Variants in IGSF21 observed in about 807,000 individuals in gnomAD.
The protein encoded by IGSF21 is immunoglobulin superfamily member 21.
A neutral mutation model predicts 46.8 loss-of-function variants in IGSF21; 28 were observed. The observed-to-expected ratio is 0.60, with a 90% CI of 0.44 to 0.82. IGSF21 has a LOEUF of 0.82. IGSF21 is among the 40% of genes least tolerant of loss of function. IGSF21 has a pLI of 0.00. For synonymous variants in IGSF21, 284 were observed against 273.6 expected, an observed-to-expected ratio of 1.04 and a Z score of -0.38; for missense variants, 624 against 665.5, an observed-to-expected ratio of 0.94 and a Z score of 0.69.
At chr1:18,241,097 AAAG>A (rs2084722832) in intron 2 of IGSF21, among the ~76,000 whole-genome samples, 1 of 152,194 alleles carries the variant, frequency 6.6e-6, no homozygotes, top group Non-Finnish European at 1.5e-5. Flanking sequence ...GTGAACATTC[AAAG>A]GTGAGGCCAG....
At chr1:18,127,642 C>A (rs12124959) in intron 1 of IGSF21, among the ~76,000 whole-genome samples, 29,461 of 152,058 alleles carry the variant, frequency 0.19, 3,002 homozygotes, top group Non-Finnish European at 0.21. Flanking sequence ...GTGGCTCTTG[C>A]CCATAATCCC....
At chr1:18,252,859 C>G (rs1229475898) in intron 2 of IGSF21, among the ~76,000 whole-genome samples, 1 of 152,182 alleles carries the variant, frequency 6.6e-6, no homozygotes, top group Non-Finnish European at 1.5e-5. Context: ...TTTAGACTTC[C>G]CTTTTAGAAA....
chr1:18,276,943 C>A (rs1441914498), intron 2 of IGSF21, among the ~76,000 whole-genome samples: 9 of 152,198 alleles, frequency 5.9e-5, no homozygotes, highest in Non-Finnish European at 1.3e-4. Flanking sequence ...TTTTATATAA[C>A]TCATCTCTCC....
At chr1:18,164,045 AG>A (rs2124448623) in intron 1 of IGSF21, among the ~76,000 whole-genome samples, 1 of 152,366 alleles carries the variant, frequency 6.6e-6, no homozygotes, top group South Asian at 2.1e-4. Context: ...GAGACTGCCC[AG>A]TGGCTGACAC....
At chr1:18,344,461 A>G (rs2085873080) in intron 4 of IGSF21, among the ~76,000 whole-genome samples, 1 of 152,180 alleles carries the variant, frequency 6.6e-6, no homozygotes, top group Admixed American at 6.5e-5. Context: ...GGCTGAGGGC[A>G]GACCTCACCC....
chr1:18,164,553 C>T (rs887407216), intron 1 of IGSF21, among the ~76,000 whole-genome samples: 16 of 152,124 alleles, frequency 1.1e-4, no homozygotes, highest in Admixed American at 8.5e-4. Flanking sequence ...TTGCCAAACA[C>T]GGTGTCAGCA....
intron 1 of IGSF21, among the ~76,000 whole-genome samples, chr1:18,143,574 G>A (rs1052157002): frequency 6.6e-6 from 1 of 152,160 alleles, no homozygotes; most frequent in Non-Finnish European, 1.5e-5. Context: ...TTGTGGGGGT[G>A]GATGAAGTCT....
chr1:18,374,412 G>A (rs920695350), intron 6 of IGSF21, among the ~76,000 whole-genome samples: 1 of 152,148 alleles, frequency 6.6e-6, no homozygotes, highest in African/African-American at 2.4e-5. Context: ...CCGCGTGTTA[G>A]GCAAGGGGTA....
At chr1:18,238,121 C>A (rs2084690234) in intron 2 of IGSF21, among the ~76,000 whole-genome samples, 2 of 152,112 alleles carry the variant, frequency 1.3e-5, no homozygotes, top group Non-Finnish European at 2.9e-5. Flanking sequence ...ACTGAAAAAC[C>A]CAGGAAATGC....
intron 1 of IGSF21, among the ~76,000 whole-genome samples, chr1:18,171,576 G>A (rs933151824): frequency 6.6e-6 from 1 of 152,186 alleles, no homozygotes; most frequent in African/African-American, 2.4e-5. Context: ...TCCTCTCCAA[G>A]CCTCAGTTTC....
intron 2 of IGSF21, among the ~76,000 whole-genome samples, chr1:18,235,768 G>C (rs1433150776): frequency 6.6e-6 from 1 of 152,174 alleles, no homozygotes; most frequent in Non-Finnish European, 1.5e-5. Flanking sequence ...AACAGGGTCT[G>C]GTTTACTTTA....
chr1:18,159,955 A>G (rs2086602064), intron 1 of IGSF21, among the ~76,000 whole-genome samples: 1 of 152,194 alleles, frequency 6.6e-6, no homozygotes. Flanking sequence ...TGCTGGGATT[A>G]CAGGCGTGAG....
At chr1:18,179,540 A>T (rs71643494) in intron 1 of IGSF21, among the ~76,000 whole-genome samples, 8,704 of 152,290 alleles carry the variant, frequency 0.057, 268 homozygotes, top group African/African-American at 0.073. Flanking sequence ...TTATTATTTT[A>T]TTCATTTTTT....
intron 2 of IGSF21, among the ~76,000 whole-genome samples, chr1:18,273,580 C>A (rs548989303): frequency 6.7e-6 from 1 of 149,618 alleles, no homozygotes; most frequent in South Asian, 2.1e-4. Flanking sequence ...TCTCTGGGGA[C>A]AACAAAACAA....
chr1:18,130,711 A>C (rs907582501), intron 1 of IGSF21, among the ~76,000 whole-genome samples: 2 of 152,178 alleles, frequency 1.3e-5, no homozygotes, highest in African/African-American at 2.4e-5. Flanking sequence ...ATTACACAGC[A>C]CACCTCCTTG....
At chr1:18,131,023 A>G (rs1259236774) in intron 1 of IGSF21, among the ~76,000 whole-genome samples, 1 of 152,246 alleles carries the variant, frequency 6.6e-6, no homozygotes, top group Non-Finnish European at 1.5e-5. Context: ...GGCTGAGGAC[A>G]GAGCCAGGCC....
chr1:18,235,213 T>C (rs934860638), intron 2 of IGSF21, among the ~76,000 whole-genome samples: 2 of 152,212 alleles, frequency 1.3e-5, no homozygotes, highest in African/African-American at 2.4e-5. Flanking sequence ...CCACGGAGCA[T>C]GTCATGGCGT....
chr1:18,128,417 C>T (rs1332276300), intron 1 of IGSF21, among the ~76,000 whole-genome samples: 1 of 152,100 alleles, frequency 6.6e-6, no homozygotes, highest in South Asian at 2.1e-4. Flanking sequence ...GTGTTGGCGT[C>T]TCCTGGCCAG....
intron 4 of IGSF21, among the ~76,000 whole-genome samples, chr1:18,346,615 T>C (rs965471111): frequency 6.6e-6 from 1 of 152,078 alleles, no homozygotes. Context: ...TGGATGGAGA[T>C]GGTCCTCTGA....
Sources: gnomAD v4.1 joint callset for allele counts (sites outside exome capture counted in the v4.1 genomes callset) on GRCh38, gnomAD v4.1.1 for gene constraint, MANE v1.5 for transcripts, NCBI Gene and HGNC (gene_info 2026-07-23, HGNC 2026-07-21) for gene names.